C10orf90: variants seen among roughly 807,000 people sequenced by gnomAD.
The protein encoded by C10orf90 is chromosome 10 open reading frame 90, also known as (E2-independent) E3 ubiquitin-conjugating enzyme FATS.
C10orf90 carries 56 observed loss-of-function variants against 62.5 expected under a neutral mutation model. The observed-to-expected ratio is 0.90, with a 90% confidence interval of 0.72 to 1.12. The LOEUF is 1.12. Ranked by LOEUF, C10orf90 falls within the 50% of genes most tolerant of loss-of-function variation. The pLI is 0.00. For synonymous variants in C10orf90, 386 were observed against 340.4 expected (o/e 1.13, Z -1.47); for missense variants, 970 against 880.4 (o/e 1.10, Z -1.29).
At chr10:126,559,775 T>G (rs538143652) in intron 2 of C10orf90, among the ~76,000 whole-genome samples, 1 of 152,336 alleles carries the variant, frequency 6.6e-6, no homozygotes, top group African/African-American at 2.4e-5. Context: ...GTCAGGATAC[T>G]TTATATAACA....
At chr10:126,441,392 A>G (rs551035279) in intron 7 of C10orf90, among the ~76,000 whole-genome samples, 5 of 152,188 alleles carry the variant, frequency 3.3e-5, no homozygotes, top group African/African-American at 1.2e-4. Flanking sequence ...ATTATGTTAA[A>G]TTACTAAAAC....
At chr10:126,547,912 G>C (rs1487422514) in intron 2 of C10orf90, among the ~76,000 whole-genome samples, 1 of 152,146 alleles carries the variant, frequency 6.6e-6, no homozygotes, top group Non-Finnish European at 1.5e-5. Flanking sequence ...AGATCTGACT[G>C]TATGTCATTG....
At chr10:126,492,157 G>A (rs965161610) in intron 4 of C10orf90, among the ~76,000 whole-genome samples, 4 of 152,198 alleles carry the variant, frequency 2.6e-5, no homozygotes, top group Non-Finnish European at 5.9e-5. Flanking sequence ...TAATTGCTTA[G>A]TTTATAAGTC....
chr10:126,469,991 C>T (rs903464304), intron 4 of C10orf90: 1 of 456,652 alleles, frequency 2.2e-6, no homozygotes, highest in East Asian at 6.9e-5. Context: ...AGGCATTCTT[C>T]TGCATGTTGT....
chr10:126,516,194 G>T lies in C10orf90; in HGVS notation c.314-2255C>A, dbSNP rs1440609446. 6.6e-5 allele frequency among the ~76,000 whole-genome samples: 10 copies of T among 152,326 alleles called. No homozygotes were observed. In the South Asian group the frequency reaches 1.4e-3, roughly 22 times the overall value. On this transcript the variant is annotated intron_variant, in intron 2 of 9. Coordinates refer to ENST00000488181, the MANE Select transcript of C10orf90 (RefSeq NM_001350921.2). Reference sequence around the variant, plus strand: ...TTCTGAGTTTCTTCTTTTATAAAATGCATGCAATAACACCTCCTGCAAAAA... The same window carrying T: ...TTCTGAGTTTCTTCTTTTATAAAATTCATGCAATAACACCTCCTGCAAAAA...
Position 126,646,604 on chromosome 10 carries a change from G to T in C10orf90, c.274C>A (p.His92Asn). 1 of 449,906 alleles carries T rather than the reference G, an allele frequency of 2.2e-6. No homozygotes were observed. The highest frequency in any genetic ancestry group is 1.6e-5 in the South Asian group (1 of 62,878). The allele number at this position is 449,906 out of a possible 1,614,324, so 27.9% of individuals were successfully genotyped here. A position where few individuals can be genotyped will look rare whatever the true frequency, so the allele number is the denominator to read the frequency against. Residue 92 changes from histidine (H) to asparagine (N), a missense_variant, in exon 2 of 10, where the codon CAT (histidine) becomes AAT (asparagine). His to Asn is a moderately conservative substitution (Grantham distance 68, BLOSUM62 1). Transcript: ENST00000488181. ...CTTTCATTTCTTTCCCAGGCAGAAT[G>T]ATCTTTGGGGGATGAGAAGAGTCGA... ...HSRLFSSPKD[H>N]SAWERNESLS...
chr10:126,567,676 C>T (rs560098237), intron 2 of C10orf90, among the ~76,000 whole-genome samples: 41 of 152,176 alleles, frequency 2.7e-4, no homozygotes, highest in African/African-American at 8.2e-4. Context: ...GATCGAGACT[C>T]GACTGCATTC....
chr10:126,629,565 T>C (rs1845811884), intron 2 of C10orf90, among the ~76,000 whole-genome samples: 1 of 152,226 alleles, frequency 6.6e-6, no homozygotes, highest in Non-Finnish European at 1.5e-5. Flanking sequence ...TGAAGGGATC[T>C]ATTCTTTATG....
intron 2 of C10orf90, among the ~76,000 whole-genome samples, chr10:126,590,885 A>C (rs1470468778): frequency 6.6e-6 from 1 of 152,238 alleles, no homozygotes; most frequent in Non-Finnish European, 1.5e-5. Flanking sequence ...CCACAGAAAT[A>C]AAAACAGCCA....
At chr10:126,511,157 G>A (rs1309577786) in intron 3 of C10orf90, among the ~76,000 whole-genome samples, 1 of 152,206 alleles carries the variant, frequency 6.6e-6, no homozygotes, top group Non-Finnish European at 1.5e-5. Context: ...TCGAATGGAA[G>A]CGCATTTTCC....
At chr10:126,517,383 C>T (rs1015226772) in intron 2 of C10orf90, among the ~76,000 whole-genome samples, 1 of 152,150 alleles carries the variant, frequency 6.6e-6, no homozygotes, top group Admixed American at 6.5e-5. Context: ...GGTGTGCAGG[C>T]CCTGAACACA....
At chr10:126,620,445 TAATCAATTTTTTAAAATA>T (rs1225713822) in intron 2 of C10orf90, among the ~76,000 whole-genome samples, 5 of 152,188 alleles carry the variant, frequency 3.3e-5, no homozygotes, top group African/African-American at 1.2e-4. Flanking sequence ...TTTTTGGCCT[TAATCAATTTTTTAAAATA>T]TTAAAATTCA....
At chr10:126,491,226 T>C (rs568158195) in intron 4 of C10orf90, among the ~76,000 whole-genome samples, 4 of 152,318 alleles carry the variant, frequency 2.6e-5, no homozygotes, top group South Asian at 4.1e-4. Flanking sequence ...AAAGAAATCA[T>C]ACACAAAAGA....
chr10:126,625,596 A>G (rs1431084144), intron 2 of C10orf90, among the ~76,000 whole-genome samples: 1 of 152,170 alleles, frequency 6.6e-6, no homozygotes, highest in Non-Finnish European at 1.5e-5. Context: ...GCGCAGAGCA[A>G]GAGGAGAGGC....
Position 126,556,384 on chromosome 10 carries a change from C to G in C10orf90, c.314-42445G>C, listed in dbSNP as rs111241681. Reference sequence around the variant, plus strand: ...TAAATAGAACACGGGCAGTTTCTCCCTGTGCTTATCAAACCCAGATATTTT... The same window carrying G: ...TAAATAGAACACGGGCAGTTTCTCCGTGTGCTTATCAAACCCAGATATTTT... On this transcript the variant is annotated intron_variant, in intron 2 of 9. Transcript: ENST00000488181. 4.9e-4 allele frequency among the ~76,000 whole-genome samples: 75 copies of G among 152,318 alleles called. 1 individual carries two copies. Among genetic ancestry groups the G allele is most frequent in the African/African-American group, 1.7e-3 (71 of 41,568 alleles).
chr10:126,503,931 C>A, intron 4 of C10orf90, 26 bp downstream of exon 4: 2 of 1,586,024 alleles, frequency 1.3e-6, no homozygotes, highest in Non-Finnish European at 1.7e-6. Context: ...TCAGGTCACC[C>A]TCCTGCAGAT....
intron 2 of C10orf90, among the ~76,000 whole-genome samples, chr10:126,641,482 G>T (rs924449192): frequency 6.6e-6 from 1 of 151,930 alleles, no homozygotes; most frequent in Non-Finnish European, 1.5e-5. Flanking sequence ...CCATCCGCCC[G>T]CTCCTTTTTC....
intron 1 of C10orf90, among the ~76,000 whole-genome samples, chr10:126,661,398 A>C (rs1846508936): frequency 6.6e-6 from 1 of 152,218 alleles, no homozygotes; most frequent in African/African-American, 2.4e-5. Context: ...AGATGAGAAA[A>C]CTAGGCTCAA....
chr10:126,573,900 G>C (rs1241835556), intron 2 of C10orf90, among the ~76,000 whole-genome samples: 5 of 152,138 alleles, frequency 3.3e-5, no homozygotes. Context: ...GCAGAGTGAG[G>C]TGAAGATCAG....
Sources: gnomAD v4.1 joint callset for allele counts (sites outside exome capture counted in the v4.1 genomes callset) on GRCh38, gnomAD v4.1.1 for gene constraint, MANE v1.5 for transcripts, NCBI Gene and HGNC (gene_info 2026-07-23, HGNC 2026-07-21) for gene names.